The following ATP2C1 variants were observed in gnomAD, a reference collection of about 807,000 sequenced individuals.
The protein encoded by ATP2C1 is calcium-transporting ATPase type 2C member 1.
In ATP2C1, 31 loss-of-function variants were observed where a neutral mutation model predicts 120.5. The ratio of observed to expected loss-of-function variants is 0.26; its 90% confidence interval spans 0.19 to 0.35. The LOEUF is 0.35. Ranked by LOEUF, ATP2C1 falls within the 10% of genes least tolerant of loss-of-function variation. ATP2C1 has a pLI of 1.00. For missense variants in ATP2C1, 731 were observed against 1,107.5 expected (o/e 0.66, Z 4.83); for synonymous variants, 351 against 358.7 (o/e 0.98, Z 0.24).
At chr3:130,997,911 A>G (rs2062706304) in intron 25 of ATP2C1, among the ~76,000 whole-genome samples, 158 bp downstream of exon 25, 1 of 152,202 alleles carries the variant, frequency 6.6e-6, no homozygotes, top group Non-Finnish European at 1.5e-5. Context: ...TTCCATCTTT[A>G]TGGATAAATA....
intron 17 of ATP2C1, among the ~76,000 whole-genome samples, chr3:130,974,904 TAAAAG>T (rs1205510122): frequency 6.6e-6 from 1 of 152,062 alleles, no homozygotes; most frequent in Non-Finnish European, 1.5e-5. Flanking sequence ...TGACAAAAAA[TAAAAG>T]AAAAAGTGCG....
At chr3:130,968,609 A>C (rs918344207) in intron 16 of ATP2C1, among the ~76,000 whole-genome samples, 8 of 152,188 alleles carry the variant, frequency 5.3e-5, no homozygotes, top group Non-Finnish European at 8.8e-5. Flanking sequence ...ACGTATTTGC[A>C]CGACCAGGAG....
chr3:130,956,188 A>C lies in ATP2C1; in HGVS notation c.832+9A>C, dbSNP rs1026655223. 3 of 1,532,218 alleles carry C rather than the reference A, an allele frequency of 2.0e-6. No individual in the cohort carries two copies. The highest frequency in any genetic ancestry group is 1.8e-6 in the Non-Finnish European group (2 of 1,106,488). 94.9% of individuals were successfully genotyped at this position (1,532,218 alleles called of 1,614,324 possible). A position where few individuals can be genotyped will look rare whatever the true frequency, so the allele number is the denominator to read the frequency against. On this transcript the variant is annotated intron_variant, in intron 11 of 27. Coordinates refer to ENST00000510168, the MANE Select transcript of ATP2C1 (RefSeq NM_001378687.1). ...CTCCTTTGGTATAATAGGTAAGAGA[A>C]GAGTGAGTATGTATATATTTTTATT... is the stretch of plus-strand genomic sequence containing the variant.
intron 22 of ATP2C1, among the ~76,000 whole-genome samples, chr3:130,995,382 T>A (rs1276447564): frequency 6.7e-6 from 1 of 148,800 alleles, no homozygotes; most frequent in Non-Finnish European, 1.5e-5. Flanking sequence ...GCCACTGCGC[T>A]CCAGCCTGGG....
rs1028733790 is a variant in ATP2C1, at chr3:131,002,152, T to G, written c.*802T>G. 1.0e-6 allele frequency: 1 copy of G among 979,348 alleles called. No homozygotes were observed. The allele number at this position is 979,348 out of a possible 1,614,324, so 60.7% of individuals were successfully genotyped here. A position where few individuals can be genotyped will look rare whatever the true frequency, so the allele number is the denominator to read the frequency against. On this transcript the variant is annotated 3_prime_UTR_variant, in exon 28 of 28. Coordinates refer to ENST00000510168, the MANE Select transcript of ATP2C1 (RefSeq NM_001378687.1). Reference sequence around the variant, plus strand: ...CATTTAAGACTGATTGGGTTGAAGTTTATAATAAATTATATTAACATGTCT... The same window carrying G: ...CATTTAAGACTGATTGGGTTGAAGTGTATAATAAATTATATTAACATGTCT...
chr3:130,993,919 T>C lies in ATP2C1; in HGVS notation c.1891-13T>C. On this transcript the variant is annotated splice_polypyrimidine_tract_variant and intron_variant, in intron 21 of 27. Transcript: ENST00000510168. ...AAATTCCTTCCTCTCCCCTGTCCTC[T>C]GCTCCACTCTAGTCGCTACAGAAGA... The C allele has an allele frequency of 1.2e-6, 2 of 1,614,110 alleles. No homozygotes were observed. Among genetic ancestry groups the C allele is most frequent in the Non-Finnish European group, 8.5e-7 (1 of 1,179,966 alleles).
chr3:130,937,539 A>G lies in ATP2C1; in HGVS notation c.360+76A>G, dbSNP rs147650887. 2.6e-3 allele frequency: 3,158 copies of G among 1,231,632 alleles called. 9 individuals carry two copies. Among genetic ancestry groups the G allele is most frequent in the Non-Finnish European group, 3.4e-3 (2,808 of 832,084 alleles). 76.3% of individuals were successfully genotyped at this position (1,231,632 alleles called of 1,614,324 possible). ...ATCAAGGTGTCTTGTGGTAGAACCTACCGTTATTGGGGGGTTGTAATGCCC... is the reference window on the plus strand; with the variant it reads ...ATCAAGGTGTCTTGTGGTAGAACCTGCCGTTATTGGGGGGTTGTAATGCCC... On this transcript the variant is annotated intron_variant, in intron 6 of 27. Coordinates refer to ENST00000510168, the MANE Select transcript of ATP2C1 (RefSeq NM_001378687.1).
At chr3:130,944,702 A>G (rs2060063873) in intron 8 of ATP2C1, among the ~76,000 whole-genome samples, 2 of 152,226 alleles carry the variant, frequency 1.3e-5, no homozygotes, top group South Asian at 4.1e-4. Flanking sequence ...CTTTTTAAAG[A>G]CTAATATTAA....
At chr3:130,921,642 G>A (rs2058972084) in intron 2 of ATP2C1, among the ~76,000 whole-genome samples, 1 of 152,056 alleles carries the variant, frequency 6.6e-6, no homozygotes, top group Admixed American at 6.6e-5. Context: ...TGTTTGTAGA[G>A]AGTTTTTATA....
chr3:130,904,096 G>A (rs1314769928), intron 2 of ATP2C1, among the ~76,000 whole-genome samples: 1 of 151,922 alleles, frequency 6.6e-6, no homozygotes, highest in African/African-American at 2.4e-5. Context: ...CTAAAATTAT[G>A]TTGATTTTTA....
At chr3:130,980,992 T>G (rs1404913688) in intron 20 of ATP2C1, among the ~76,000 whole-genome samples, 1 of 152,200 alleles carries the variant, frequency 6.6e-6, no homozygotes, top group Non-Finnish European at 1.5e-5. Context: ...GATCATTGAT[T>G]TATACTTCTT....
intron 17 of ATP2C1, among the ~76,000 whole-genome samples, chr3:130,972,767 A>G (rs1211779293): frequency 6.6e-6 from 1 of 151,634 alleles, no homozygotes; most frequent in African/African-American, 2.4e-5. Context: ...TTCCAGTTTC[A>G]TCCATGTCCC....
At chr3:130,880,433 T>C (rs1352623794) in intron 1 of ATP2C1, among the ~76,000 whole-genome samples, 1 of 152,160 alleles carries the variant, frequency 6.6e-6, no homozygotes, top group Non-Finnish European at 1.5e-5. Flanking sequence ...TTTAGAACTA[T>C]TAAAAACTTA....
intron 2 of ATP2C1, among the ~76,000 whole-genome samples, chr3:130,912,404 A>C (rs1157742871): frequency 3.3e-5 from 5 of 150,002 alleles, no homozygotes; most frequent in Non-Finnish European, 7.4e-5. Context: ...ACCAATTTAC[A>C]AGAAAAAAAC....
intron 1 of ATP2C1, among the ~76,000 whole-genome samples, chr3:130,862,027 G>A (rs2068030123): frequency 6.6e-6 from 1 of 152,076 alleles, no homozygotes; most frequent in Non-Finnish European, 1.5e-5. Flanking sequence ...AGGCTGAAGT[G>A]CAGTGGCGCC....
At chr3:130,994,247 G>C (rs1461191593) in intron 22 of ATP2C1, 149 bp downstream of exon 22, 4 of 917,730 alleles carry the variant, frequency 4.4e-6, no homozygotes. Flanking sequence ...CTATTTTATG[G>C]TATGAAGAAG....
intron 2 of ATP2C1, among the ~76,000 whole-genome samples, chr3:130,906,488 T>A (rs1287128859): frequency 6.6e-6 from 1 of 152,030 alleles, no homozygotes; most frequent in East Asian, 1.9e-4. Context: ...CATGTATGGG[T>A]TTTTGTGTAA....
intron 2 of ATP2C1, among the ~76,000 whole-genome samples, chr3:130,903,246 CT>C (rs1486965580): frequency 6.6e-6 from 1 of 151,902 alleles, no homozygotes; most frequent in African/African-American, 2.4e-5. Flanking sequence ...GAAAAATTAG[CT>C]TTTGAGGAAC....
At chr3:131,000,419 G>A (rs1022214953) in intron 27 of ATP2C1, among the ~76,000 whole-genome samples, 1 of 152,098 alleles carries the variant, frequency 6.6e-6, no homozygotes, top group Non-Finnish European at 1.5e-5. Flanking sequence ...GGAAACATCT[G>A]CAATTTTCCA....
Sources: gnomAD v4.1 joint callset for allele counts (sites outside exome capture counted in the v4.1 genomes callset) on GRCh38, gnomAD v4.1.1 for gene constraint, MANE v1.5 for transcripts, NCBI Gene and HGNC (gene_info 2026-07-23, HGNC 2026-07-21) for gene names.